TENT4A: variants seen among roughly 807,000 people sequenced by gnomAD.
TENT4A encodes the protein DNA polymerase kappa.
A neutral mutation model predicts 72.8 loss-of-function variants in TENT4A; 7 were observed. The observed-to-expected ratio is 0.10, with a 90% confidence interval of 0.05 to 0.18. The LOEUF (loss-of-function observed/expected upper bound fraction) is 0.18, where lower values mean the gene tolerates loss of function less well. TENT4A is among the 10% of genes least tolerant of loss of function. TENT4A has a pLI of 1.00. For missense variants in TENT4A, 831 were observed against 1,017.7 expected, an observed-to-expected ratio of 0.82 and a Z score of 2.50; for synonymous variants, 456 against 434.3, an observed-to-expected ratio of 1.05 and a Z score of -0.62.
chr5:6,745,420 G>C (rs1384461238), intron 6 of TENT4A, among the ~76,000 whole-genome samples: 1 of 152,190 alleles, frequency 6.6e-6, no homozygotes, highest in Non-Finnish European at 1.5e-5. Flanking sequence ...AGAATTCTGT[G>C]ATGGTGATGG....
chr5:6,742,739 A>G (rs888418713), intron 5 of TENT4A, 142 bp downstream of exon 5: 2 of 581,712 alleles, frequency 3.4e-6, no homozygotes, highest in South Asian at 2.2e-5. Context: ...TTCTCCTACA[A>G]TATTATTTCT....
chr5:6,747,252 C>T (rs1395593800), intron 7 of TENT4A, among the ~76,000 whole-genome samples: 1 of 152,116 alleles, frequency 6.6e-6, no homozygotes, highest in East Asian at 1.9e-4. Context: ...GGCGCGTGTC[C>T]CTGGGCCTTC....
Position 6,719,204 on chromosome 5 carries a change from A to G in TENT4A, c.716+4505A>G, listed in dbSNP as rs754984749. Among the ~76,000 whole-genome samples, 54 of 152,380 alleles carry G rather than the reference A, an allele frequency of 3.5e-4. No homozygotes were observed. The Middle Eastern group carries it at 0.01, about 29-fold the overall frequency. The stretch of plus-strand genomic sequence containing the variant: ...GTAAAGTCTCAAACGTTCTTTGGTC[A>G]CTATTTAATATGAGATTTTGTCCTC... On this transcript the variant is annotated intron_variant, in intron 1 of 12. Coordinates refer to ENST00000230859, the MANE Select transcript of TENT4A (RefSeq NM_006999.6).
At position 6,755,282 on chromosome 5, in the gene TENT4A, A is replaced by C. The variant is rs915461981; in HGVS notation, c.*337A>C. ...CGTGTCTGTTCCTTCGCGGTTTGCT[A>C]TTTTCATTTCCTGTTCGTCAAAGCA... On this transcript the variant is annotated 3_prime_UTR_variant, in exon 13 of 13. Transcript: ENST00000230859. 1.4e-5 allele frequency: 3 copies of C among 212,676 alleles called. No individual in the cohort carries two copies. The highest frequency in any genetic ancestry group is 6.9e-5 in the African/African-American group (3 of 43,652). The allele number at this position is 212,676 out of a possible 1,614,324, so 13.2% of individuals were successfully genotyped here.
At position 6,737,564 on chromosome 5, in the gene TENT4A, A is replaced by G; in HGVS notation, c.771A>G (p.Glu257=). The change falls in exon 2 of 13, where the codon GAA becomes GAG. Residue 257 remains glutamate, a synonymous_variant. Transcript: ENST00000230859. The part of the protein sequence containing the change: ...FYNFMSPCPE[E]AAMRREVVKR... Reference sequence around the variant, plus strand: ...ACTTCATGTCCCCTTGTCCTGAAGAAGCAGCTATGAGAAGAGAGGTGGTGA... The same window carrying G: ...ACTTCATGTCCCCTTGTCCTGAAGAGGCAGCTATGAGAAGAGAGGTGGTGA... 6.2e-7 allele frequency: 1 copy of G among 1,614,086 alleles called. No individual in the cohort carries two copies. Among genetic ancestry groups the G allele is most frequent in the Non-Finnish European group, 8.5e-7 (1 of 1,179,944 alleles).
At chr5:6,742,773 C>T (rs2279654) in intron 5 of TENT4A, among the ~76,000 whole-genome samples, 176 bp downstream of exon 5, 35,846 of 152,168 alleles carry the variant, frequency 0.24, 4,765 homozygotes, top group East Asian at 0.39. Context: ...AATTACATAG[C>T]TGTTTTTAAA....
Position 6,734,440 on chromosome 5 carries a change from G to A in TENT4A, c.717-3070G>A, listed in dbSNP as rs145686287. 2.2e-3 allele frequency among the ~76,000 whole-genome samples: 336 copies of A among 152,356 alleles called. 3 individuals carry two copies. The highest frequency in any genetic ancestry group is 7.8e-3 in the African/African-American group (323 of 41,586). On this transcript the variant is annotated intron_variant, in intron 1 of 12. Transcript: ENST00000230859. ...GCCGCCACCAGTCTCACACTGCCTC[G>A]TGGGCAGTCCTGGAGTCGTGCGGCA...
rs1441083002 is a variant in TENT4A at position 6,755,923 on chromosome 5, GT to G, written c.*982del. The G allele has an allele frequency of 6.6e-6, 1 of 152,264 alleles. No individual in the cohort carries two copies. The highest frequency in any genetic ancestry group is 1.9e-4 in the East Asian group (1 of 5,202). 9.4% of individuals were successfully genotyped at this position (152,264 alleles called of 1,614,324 possible). On this transcript the variant is annotated 3_prime_UTR_variant, in exon 13 of 13. Transcript: ENST00000230859. ...TGTGAACTGGAAAACGCTTCGGTCA[GT>G]TTTAGTGACATAGCCTGTGATGATG...
At position 6,754,751 on chromosome 5, in the gene TENT4A, C is replaced by A; in HGVS notation, c.2185C>A (p.Gln729Lys). Residue 729 changes from glutamine (Q) to lysine (K), a missense_variant and splice_region_variant, in exon 13 of 13, where the codon CAG (glutamine) becomes AAG (lysine). Physicochemically the swap from Gln to Lys is moderately conservative, Grantham distance 53 (BLOSUM62 1). Transcript: ENST00000230859. ...CACTGCTGTCTCTCTCTTTCTCCAG[C>A]AGCACAACGGCATGAAACTGTCCAT... ...PLSSPHLYHKQHNGMKLSMKG... is the reference protein window; with the variant it reads ...PLSSPHLYHKKHNGMKLSMKG... 1 of 1,568,400 alleles carries A rather than the reference C, an allele frequency of 6.4e-7. No homozygotes were observed. The highest frequency in any genetic ancestry group is 8.7e-7 in the Non-Finnish European group (1 of 1,148,246).
chr5:6,725,594 T>C (rs1740878357), intron 1 of TENT4A, among the ~76,000 whole-genome samples: 1 of 152,250 alleles, frequency 6.6e-6, no homozygotes, highest in Non-Finnish European at 1.5e-5. Flanking sequence ...CATTTGCTGA[T>C]TGCTTCAAAG....
At chr5:6,736,429 T>G (rs1741504488) in intron 1 of TENT4A, among the ~76,000 whole-genome samples, 1 of 152,242 alleles carries the variant, frequency 6.6e-6, no homozygotes, top group Admixed American at 6.5e-5. Context: ...TCTTCTGCTG[T>G]TTGCCTTATT....
At chr5:6,744,629 G>GTAAC (rs1741988193) in intron 6 of TENT4A, among the ~76,000 whole-genome samples, 1 of 152,192 alleles carries the variant, frequency 6.6e-6, no homozygotes, top group African/African-American at 2.4e-5. Flanking sequence ...GAATCACTGG[G>GTAAC]TAACTACCTG....
rs1419381277 is a variant in TENT4A at position 6,756,971 on chromosome 5, TATGGAAGCTAAA to T, written c.*2029_*2040del. 6.6e-6 allele frequency: 1 copy of T among 152,624 alleles called. No individual in the cohort carries two copies. The allele number at this position is 152,624 out of a possible 1,614,324, so 9.5% of individuals were successfully genotyped here. On this transcript the variant is annotated 3_prime_UTR_variant, in exon 13 of 13. Transcript: ENST00000230859. ...CGATTTTTTTGTGTGTGGACAACAA[TATGGAAGCTAAA>T]ATTGACATATTTTTATGTAAAGTTT...
At chr5:6,714,802 G>T in intron 1 of TENT4A, 103 bp downstream of exon 1, 1 of 526,350 alleles carries the variant, frequency 1.9e-6, no homozygotes. Flanking sequence ...TTTGGAGGAT[G>T]GATGTTGAAG....
intron 11 of TENT4A, among the ~76,000 whole-genome samples, chr5:6,751,851 T>C (rs1742423417): frequency 6.6e-6 from 1 of 152,192 alleles, no homozygotes; most frequent in Non-Finnish European, 1.5e-5. Context: ...GCTATGTAGG[T>C]ACATGCAAAA....
intron 12 of TENT4A, among the ~76,000 whole-genome samples, chr5:6,753,707 A>G (rs2126662821): frequency 6.6e-6 from 1 of 152,172 alleles, no homozygotes; most frequent in South Asian, 2.1e-4. Flanking sequence ...CGGTGTCCAC[A>G]CCTCTTTATT....
rs940628853 is a variant in TENT4A, at chr5:6,754,984, G to C, written c.*39G>C. 5.3e-6 allele frequency: 8 copies of C among 1,516,216 alleles called. No individual in the cohort carries two copies. The highest frequency in any genetic ancestry group is 7.1e-6 in the Non-Finnish European group (8 of 1,123,682). 93.9% of individuals were successfully genotyped at this position (1,516,216 alleles called of 1,614,324 possible). ...CGTCAGCCTCCCCCACCCCTCTGCA[G>C]ACTGCCCCGCGGCCTCGGCCACCGG... On this transcript the variant is annotated 3_prime_UTR_variant, in exon 13 of 13. Coordinates refer to ENST00000230859, the MANE Select transcript of TENT4A (RefSeq NM_006999.6).
At position 6,755,053 on chromosome 5, in the gene TENT4A, G is replaced by A. The variant is rs953163748; in HGVS notation, c.*108G>A. 95 of 948,834 alleles carry A rather than the reference G, an allele frequency of 1.0e-4. No homozygotes were observed. The highest frequency in any genetic ancestry group is 8.8e-4 in the African/African-American group (53 of 60,408). 58.8% of individuals were successfully genotyped at this position (948,834 alleles called of 1,614,324 possible). Reference sequence around the variant, plus strand: ...CACCCCGCACGTCAGCCGGGCTCGCGGCACGCCCGCCGCTGATCACTCTGC... The same window carrying A: ...CACCCCGCACGTCAGCCGGGCTCGCAGCACGCCCGCCGCTGATCACTCTGC... On this transcript the variant is annotated 3_prime_UTR_variant, in exon 13 of 13. Transcript: ENST00000230859.
chr5:6,753,290 A>C (rs1033609913), intron 12 of TENT4A, among the ~76,000 whole-genome samples: 3 of 152,264 alleles, frequency 2.0e-5, no homozygotes, highest in East Asian at 1.9e-4. Flanking sequence ...ATTAGCATAA[A>C]ACTGAAGTTT....
Sources: allele counts gnomAD v4.1 joint callset (sites outside exome capture counted in the v4.1 genomes callset), GRCh38; gene constraint gnomAD v4.1.1; transcripts MANE v1.5; gene names NCBI Gene and HGNC (gene_info 2026-07-23, HGNC 2026-07-21).